The following MTARC2 variants were observed in gnomAD, a reference collection of about 807,000 sequenced individuals.
MTARC2 encodes mitochondrial amidoxime reducing component 2.
Under a neutral mutation model 35.6 loss-of-function variants are expected in MTARC2, and 27 were observed. That is an observed-to-expected ratio of 0.76 (90% CI 0.56 to 1.04). The LOEUF (loss-of-function observed/expected upper bound fraction) is 1.04, where lower values mean the gene tolerates loss of function less well. Among genes scored for constraint, MTARC2 ranks in the 50% least tolerant of loss-of-function variants. The probability of loss-of-function intolerance (pLI) is 0.00; values close to 1 mark genes in which losing one functional copy is unlikely to be tolerated. For synonymous variants in MTARC2, 158 were observed against 167.1 expected (o/e 0.95, Z 0.42); for missense variants, 412 against 432.5 (o/e 0.95, Z 0.42).
At chr1:220,767,013 A>G (rs916704632) in intron 4 of MTARC2, among the ~76,000 whole-genome samples, 1 of 152,050 alleles carries the variant, frequency 6.6e-6, no homozygotes, top group African/African-American at 2.4e-5. Context: ...AAAGTGAAAA[A>G]AAATAAACTG....
chr1:220,774,255 C>T lies in MTARC2; in HGVS notation c.751-5763C>T, dbSNP rs984599788. Among the ~76,000 whole-genome samples, 7 of 151,934 alleles carry T rather than the reference C, an allele frequency of 4.6e-5. No individual in the cohort carries two copies. In the South Asian group the frequency reaches 6.2e-4, roughly 14 times the overall value. ...CTAATTTTTGTAATTTTGGGAGACA[C>T]GAGGTTATATCATGTTGTCTAGACT... On this transcript the variant is annotated intron_variant, in intron 4 of 7. Coordinates refer to ENST00000366913, the MANE Select transcript of MTARC2 (RefSeq NM_017898.5).
At chr1:220,780,552 AAGTGATCCTGCCTC>A (rs1354893757) in intron 6 of MTARC2, among the ~76,000 whole-genome samples, 1 of 150,808 alleles carries the variant, frequency 6.6e-6, no homozygotes. Context: ...TTCTGGGTTC[AAGTGATCCTGCCTC>A]AGCCTCCTGA....
intron 4 of MTARC2, among the ~76,000 whole-genome samples, chr1:220,769,169 C>G (rs1301075825): frequency 6.6e-6 from 1 of 152,158 alleles, no homozygotes; most frequent in Non-Finnish European, 1.5e-5. Flanking sequence ...AGGGGTTGGG[C>G]AAGAGGGAGT....
chr1:220,771,870 T>G (rs946917013), intron 4 of MTARC2, among the ~76,000 whole-genome samples: 3 of 152,130 alleles, frequency 2.0e-5, no homozygotes, highest in African/African-American at 7.2e-5. Context: ...GGTACACCTA[T>G]GTAACAAACC....
chr1:220,770,601 C>T (rs993755774), intron 4 of MTARC2: 3 of 977,754 alleles, frequency 3.1e-6, no homozygotes, highest in Admixed American at 6.1e-5. Flanking sequence ...CCATACCTTT[C>T]TCTCGCTGTT....
At chr1:220,775,155 C>T (rs573335857) in intron 4 of MTARC2, among the ~76,000 whole-genome samples, 3 of 152,190 alleles carry the variant, frequency 2.0e-5, no homozygotes, top group South Asian at 2.1e-4. Flanking sequence ...ACCCACCCGC[C>T]CCACCCTTAT....
chr1:220,757,252 A>G (rs548886049), intron 2 of MTARC2, among the ~76,000 whole-genome samples: 13 of 152,004 alleles, frequency 8.6e-5, no homozygotes, highest in African/African-American at 2.9e-4. Flanking sequence ...GTAGATCTGG[A>G]TGAGGTGGGA....
intron 4 of MTARC2, chr1:220,770,563 CAGGATTGATCTCAGAG>C (rs1671715728): frequency 1.0e-6 from 1 of 985,216 alleles, no homozygotes; most frequent in African/African-American, 1.7e-5. Flanking sequence ...GGAGGTAAGG[CAGGATTGATCTCAGAG>C]ACCATGACCC....
intron 1 of MTARC2, among the ~76,000 whole-genome samples, chr1:220,749,430 T>C (rs2644585): frequency 9.5e-4 from 59 of 62,270 alleles, no homozygotes; most frequent in African/African-American, 9.3e-3. Flanking sequence ...CCTTCTTCTT[T>C]TTTTTTTTTT....
chr1:220,773,352 C>T (rs1052289154), intron 4 of MTARC2, among the ~76,000 whole-genome samples: 1 of 152,192 alleles, frequency 6.6e-6, no homozygotes, highest in South Asian at 2.1e-4. Context: ...CATGAAAACT[C>T]GGAGAGCCTC....
At chr1:220,776,372 A>G (rs912126125) in intron 4 of MTARC2, among the ~76,000 whole-genome samples, 3 of 152,138 alleles carry the variant, frequency 2.0e-5, no homozygotes, top group African/African-American at 7.2e-5. Flanking sequence ...CACTCTTTGT[A>G]TGTCTAGTAG....
In MTARC2 at chr1:220,748,392, C is replaced by G. The variant is rs754541964; in HGVS notation, c.-140C>G. ...CCGCGGAACTGCTCTGCCGTCTCGG[C>G]GGTGAAAGTGTGAGAGGGTCCGTAG... On this transcript the variant is annotated 5_prime_UTR_variant, in exon 1 of 8. Transcript: ENST00000366913. 1.6e-5 allele frequency: 14 copies of G among 849,030 alleles called. No homozygotes were observed. In the Admixed American group the frequency reaches 2.6e-4, roughly 16 times the overall value. 52.6% of individuals were successfully genotyped at this position (849,030 alleles called of 1,614,324 possible). A position where few individuals can be genotyped will look rare whatever the true frequency, so the allele number is the denominator to read the frequency against.
At chr1:220,765,660 A>C (rs149624265) in intron 4 of MTARC2, among the ~76,000 whole-genome samples, 3 of 151,942 alleles carry the variant, frequency 2.0e-5, no homozygotes, top group Non-Finnish European at 4.4e-5. Flanking sequence ...GCAGCCTCGA[A>C]CTCCCCAGCT....
chr1:220,751,945 AG>A (rs1250217766), intron 1 of MTARC2, among the ~76,000 whole-genome samples: 2 of 152,234 alleles, frequency 1.3e-5, no homozygotes, highest in Non-Finnish European at 2.9e-5. Flanking sequence ...AATATTGCCC[AG>A]GTTGACAGGG....
chr1:220,771,064 C>A (rs1042402331), intron 4 of MTARC2, among the ~76,000 whole-genome samples: 1 of 152,022 alleles, frequency 6.6e-6, no homozygotes, highest in Non-Finnish European at 1.5e-5. Context: ...TTTGGGAGGC[C>A]GAGCCAGTCG....
intron 1 of MTARC2, among the ~76,000 whole-genome samples, chr1:220,751,947 G>A (rs1671135932): frequency 6.6e-6 from 1 of 152,184 alleles, no homozygotes; most frequent in South Asian, 2.1e-4. Context: ...TATTGCCCAG[G>A]TTGACAGGGA....
intron 1 of MTARC2, chr1:220,754,463 T>C (rs60183673): frequency 0.012 from 5,586 of 456,204 alleles, 115 homozygotes; most frequent in East Asian, 0.062. Flanking sequence ...GCTGGCCTGG[T>C]TCCGCTTGGA....
intron 4 of MTARC2, among the ~76,000 whole-genome samples, chr1:220,775,053 T>C (rs1671862270): frequency 6.6e-6 from 1 of 151,912 alleles, no homozygotes; most frequent in African/African-American, 2.4e-5. Flanking sequence ...ACTTTTAAGT[T>C]TCATACATCC....
chr1:220,755,714 G>T lies in MTARC2; in HGVS notation c.446+594G>T, dbSNP rs72472378. 1.4e-3 allele frequency among the ~76,000 whole-genome samples: 207 copies of T among 152,276 alleles called. 2 individuals are homozygous for T. The highest frequency in any genetic ancestry group is 4.9e-3 in the African/African-American group (203 of 41,570). ...GGATGGGTTGGTGTTCCTATTACAG[G>T]CACACTTGCAGGTCATCAGTCTATT... On this transcript the variant is annotated intron_variant, in intron 2 of 7. Coordinates refer to ENST00000366913, the MANE Select transcript of MTARC2 (RefSeq NM_017898.5).
Sources: gnomAD v4.1 joint callset for allele counts (sites outside exome capture counted in the v4.1 genomes callset) on GRCh38, gnomAD v4.1.1 for gene constraint, MANE v1.5 for transcripts, NCBI Gene and HGNC (gene_info 2026-07-23, HGNC 2026-07-21) for gene names.